The following PLXNA2 variants were observed in gnomAD, a reference collection of about 807,000 sequenced individuals.
The protein encoded by PLXNA2 is plexin-A2.
A neutral mutation model predicts 193.5 loss-of-function variants in PLXNA2; 91 were observed. The ratio of observed to expected loss-of-function variants is 0.47; its 90% confidence interval spans 0.40 to 0.56. The LOEUF (loss-of-function observed/expected upper bound fraction) is 0.56, where lower values mean the gene tolerates loss of function less well. Among genes scored for constraint, PLXNA2 ranks in the 20% least tolerant of loss-of-function variants. The pLI, the probability that PLXNA2 is intolerant of heterozygous loss-of-function variation, is 0.00. For missense variants in PLXNA2, 1,995 were observed against 2,503.2 expected, an observed-to-expected ratio of 0.80 and a Z score of 4.33; for synonymous variants, 997 against 1,027.3, an observed-to-expected ratio of 0.97 and a Z score of 0.56.
intron 3 of PLXNA2, among the ~76,000 whole-genome samples, chr1:208,186,708 A>ATTTTGTTTTTTGTTTTTTTTTTTT (rs368056918): frequency 9.0e-6 from 1 of 111,698 alleles, no homozygotes; most frequent in Admixed American, 1.0e-4. Context: ...TTGCAATGTT[A>ATTTTGTTTTTTGTTTTTTTTTTTT]TTTTATTTTT....
chr1:208,235,920 G>A (rs1408962655), intron 1 of PLXNA2, among the ~76,000 whole-genome samples: 2 of 152,130 alleles, frequency 1.3e-5, no homozygotes, highest in East Asian at 1.9e-4. Flanking sequence ...AAACCTCAGG[G>A]GGTGGGGTGT....
chr1:208,222,465 A>G (rs1558253330), intron 1 of PLXNA2, among the ~76,000 whole-genome samples: 1 of 152,124 alleles, frequency 6.6e-6, no homozygotes, highest in Non-Finnish European at 1.5e-5. Flanking sequence ...TGCCAAGGAG[A>G]GGCCACGCTT....
intron 4 of PLXNA2, among the ~76,000 whole-genome samples, chr1:208,131,100 C>T (rs752206724): frequency 3.3e-5 from 5 of 152,174 alleles, no homozygotes; most frequent in African/African-American, 9.7e-5. Context: ...CACCTTTCCC[C>T]TCCCTCAGGG....
intron 12 of PLXNA2, among the ~76,000 whole-genome samples, chr1:208,069,925 C>T (rs969810215): frequency 4.6e-5 from 7 of 152,204 alleles, no homozygotes; most frequent in Non-Finnish European, 2.9e-5. Context: ...TCCCACTAAG[C>T]GCTCAAAACA....
chr1:208,030,447 G>A (rs1005337859), intron 29 of PLXNA2: 3 of 985,532 alleles, frequency 3.0e-6, no homozygotes, highest in Non-Finnish European at 3.6e-6. Flanking sequence ...GGACAGGCAT[G>A]TGCTGTCCAG....
intron 4 of PLXNA2, among the ~76,000 whole-genome samples, chr1:208,133,767 A>G (rs895937000): frequency 6.6e-6 from 1 of 152,226 alleles, no homozygotes; most frequent in Admixed American, 6.5e-5. Context: ...AAGTTGGGAA[A>G]GGATGCTGGG....
intron 3 of PLXNA2, among the ~76,000 whole-genome samples, chr1:208,147,492 A>G (rs1204536858): frequency 6.6e-6 from 1 of 152,230 alleles, no homozygotes; most frequent in African/African-American, 2.4e-5. Context: ...AGTAGGATAG[A>G]CTTGGATTCT....
At chr1:208,125,017 G>A (rs547858910) in intron 4 of PLXNA2, among the ~76,000 whole-genome samples, 25 of 152,132 alleles carry the variant, frequency 1.6e-4, no homozygotes, top group Admixed American at 5.2e-4. Context: ...TAGTATCTCC[G>A]GTTTTCTCAA....
At chr1:208,078,911 C>A (rs145883409) in intron 12 of PLXNA2, among the ~76,000 whole-genome samples, 1 of 152,164 alleles carries the variant, frequency 6.6e-6, no homozygotes, top group Non-Finnish European at 1.5e-5. Context: ...AAAAGCTAAA[C>A]CTGTTTTCTG....
chr1:208,049,306 CTT>C (rs35088178), intron 17 of PLXNA2, among the ~76,000 whole-genome samples: 2 of 141,536 alleles, frequency 1.4e-5, no homozygotes, highest in East Asian at 2.2e-4. Flanking sequence ...AATTTGCTTG[CTT>C]TTTTTTTTTT....
At chr1:208,067,495 C>T (rs1225154543) in intron 12 of PLXNA2, among the ~76,000 whole-genome samples, 1 of 152,198 alleles carries the variant, frequency 6.6e-6, no homozygotes, top group Non-Finnish European at 1.5e-5. Context: ...CATTCACTCA[C>T]CACTCACTGA....
chr1:208,128,850 C>T (rs12402431), intron 4 of PLXNA2, among the ~76,000 whole-genome samples: 1,755 of 151,962 alleles, frequency 0.012, 52 homozygotes, highest in East Asian at 0.092. Flanking sequence ...TACAGGTGAC[C>T]GCCACCATGC....
chr1:208,211,103 A>G (rs895966701), intron 2 of PLXNA2, among the ~76,000 whole-genome samples: 1 of 152,262 alleles, frequency 6.6e-6, no homozygotes, highest in African/African-American at 2.4e-5. Context: ...GGAAAAGTTA[A>G]TCTACCTATG....
intron 3 of PLXNA2, among the ~76,000 whole-genome samples, chr1:208,167,890 C>T (rs1571990253): frequency 1.3e-5 from 2 of 152,328 alleles, no homozygotes; most frequent in Non-Finnish European, 2.9e-5. Context: ...CCCCATTTGC[C>T]ACTCCTCACC....
rs1667570288 is a variant in PLXNA2 at position 208,114,115 on chromosome 1, T to C, written c.1507-10868A>G. 2.0e-5 allele frequency among the ~76,000 whole-genome samples: 3 copies of C among 152,292 alleles called. 1 individual carries two copies. The highest frequency in any genetic ancestry group is 4.1e-4 in the South Asian group (2 of 4,820). ...TTAGGACATCACTGCTCCTGAAAGA[T>C]ACTATAAAAATTAGCTCCCTCTGGC... On this transcript the variant is annotated intron_variant, in intron 4 of 31. Coordinates refer to ENST00000367033, the MANE Select transcript of PLXNA2 (RefSeq NM_025179.4).
At chr1:208,186,875 G>A (rs553277315) in intron 3 of PLXNA2, among the ~76,000 whole-genome samples, 1,853 of 150,664 alleles carry the variant, frequency 0.012, 41 homozygotes, top group African/African-American at 0.042. Flanking sequence ...GCCCGCCACC[G>A]CGCCCGGCTA....
At chr1:208,070,173 C>G (rs938699839) in intron 12 of PLXNA2, among the ~76,000 whole-genome samples, 1 of 152,270 alleles carries the variant, frequency 6.6e-6, no homozygotes, top group African/African-American at 2.4e-5. Flanking sequence ...CACTCCAGCC[C>G]CTTTCCCTTT....
chr1:208,048,959 T>A (rs1487168145), intron 17 of PLXNA2, among the ~76,000 whole-genome samples: 2 of 152,172 alleles, frequency 1.3e-5, no homozygotes, highest in Non-Finnish European at 2.9e-5. Context: ...CAACTGCCCC[T>A]TTCCACACTA....
intron 4 of PLXNA2, among the ~76,000 whole-genome samples, chr1:208,134,247 C>T (rs1372082637): frequency 2.6e-5 from 4 of 152,104 alleles, no homozygotes; most frequent in Non-Finnish European, 5.9e-5. Flanking sequence ...AAAAATACTC[C>T]GATGAGAATA....
Sources: gnomAD v4.1 joint callset for allele counts (sites outside exome capture counted in the v4.1 genomes callset) on GRCh38, gnomAD v4.1.1 for gene constraint, MANE v1.5 for transcripts, NCBI Gene and HGNC (gene_info 2026-07-23, HGNC 2026-07-21) for gene names.